The following NXPH1 variants were observed in gnomAD, a reference collection of about 807,000 sequenced individuals.
NXPH1 encodes neurexophilin-1.
A neutral mutation model predicts 23.7 loss-of-function variants in NXPH1; 5 were observed. The observed-to-expected ratio is 0.21, with a 90% CI of 0.11 to 0.44. The LOEUF is 0.44. Among genes scored for constraint, NXPH1 ranks in the 20% least tolerant of loss-of-function variants. NXPH1 has a pLI of 0.99. For missense variants in NXPH1, 324 were observed against 321.6 expected (o/e 1.01, Z -0.06); for synonymous variants, 144 against 122.2 (o/e 1.18, Z -1.18).
chr7:8,647,366 T>G (rs2349502), intron 2 of NXPH1, among the ~76,000 whole-genome samples: 109,628 of 151,964 alleles, frequency 0.72, 40,084 homozygotes, highest in East Asian at 1. Context: ...GGCAGGAAAA[T>G]AAAGGGGTGG....
At chr7:8,624,574 T>C (rs1819947707) in intron 2 of NXPH1, among the ~76,000 whole-genome samples, 1 of 151,934 alleles carries the variant, frequency 6.6e-6, no homozygotes, top group Non-Finnish European at 1.5e-5. Flanking sequence ...GAAAAGATAG[T>C]GTCATGTGGA....
chr7:8,706,028 C>T (rs1562460236), intron 2 of NXPH1, among the ~76,000 whole-genome samples: 2 of 152,110 alleles, frequency 1.3e-5, no homozygotes, highest in Non-Finnish European at 2.9e-5. Context: ...TCCCAGTAGA[C>T]ATAATAATAT....
intron 2 of NXPH1, among the ~76,000 whole-genome samples, chr7:8,660,270 T>C (rs1820651185): frequency 6.6e-6 from 1 of 152,200 alleles, no homozygotes; most frequent in Non-Finnish European, 1.5e-5. Flanking sequence ...ACATTTTAAG[T>C]AACAGTCTGA....
intron 2 of NXPH1, among the ~76,000 whole-genome samples, chr7:8,719,917 CA>C (rs1462362534): frequency 7.9e-5 from 12 of 151,942 alleles, no homozygotes; most frequent in African/African-American, 2.7e-4. Context: ...AACACTGGGA[CA>C]GGGGGATTCT....
chr7:8,654,577 G>A (rs1277981450), intron 2 of NXPH1, among the ~76,000 whole-genome samples: 1 of 152,208 alleles, frequency 6.6e-6, no homozygotes, highest in Non-Finnish European at 1.5e-5. Context: ...AGAAGGATTT[G>A]CTGGAGTTCC....
chr7:8,742,415 A>G (rs577913919), intron 2 of NXPH1, among the ~76,000 whole-genome samples: 1 of 152,312 alleles, frequency 6.6e-6, no homozygotes, highest in South Asian at 2.1e-4. Flanking sequence ...CAAAACGTAT[A>G]TAAAATGTAA....
intron 2 of NXPH1, among the ~76,000 whole-genome samples, chr7:8,588,277 T>C (rs1247787958): frequency 1.3e-5 from 2 of 152,200 alleles, no homozygotes; most frequent in African/African-American, 2.4e-5. Context: ...CAAATCATTC[T>C]ACTGTAAAGA....
Position 8,750,998 on chromosome 7 carries a change from C to T in NXPH1, c.55-10C>T. On this transcript the variant is annotated splice_polypyrimidine_tract_variant and intron_variant, in intron 2 of 2. Transcript: ENST00000405863. ...GAGATGTAAATGCCATTTTTCTCTT[C>T]TGTTTTCAGGTCACATGTGCCAATT... 9 of 1,611,660 alleles carry T rather than the reference C, an allele frequency of 5.6e-6. No individual in the cohort carries two copies. Among genetic ancestry groups the T allele is most frequent in the Non-Finnish European group, 7.6e-6 (9 of 1,178,256 alleles).
At chr7:8,728,616 G>T (rs1374308717) in intron 2 of NXPH1, among the ~76,000 whole-genome samples, 12 of 151,616 alleles carry the variant, frequency 7.9e-5, no homozygotes, top group Non-Finnish European at 1.6e-4. Flanking sequence ...TTTGTCTTTG[G>T]CTCTGTTTAT....
intron 2 of NXPH1, among the ~76,000 whole-genome samples, chr7:8,624,176 C>T (rs1158994220): frequency 6.6e-6 from 1 of 152,072 alleles, no homozygotes; most frequent in Admixed American, 6.6e-5. Context: ...ATCAGAGGAG[C>T]CTCTTAGGTA....
At chr7:8,551,060 G>T (rs774456536) in intron 2 of NXPH1, among the ~76,000 whole-genome samples, 3 of 151,434 alleles carry the variant, frequency 2.0e-5, no homozygotes, top group Non-Finnish European at 3.0e-5. Context: ...TTAGAAAATT[G>T]TCTTACTGAA....
intron 2 of NXPH1, among the ~76,000 whole-genome samples, chr7:8,737,753 T>A (rs1459130792): frequency 6.6e-6 from 1 of 152,254 alleles, no homozygotes; most frequent in Non-Finnish European, 1.5e-5. Context: ...ATTCTCTCTG[T>A]CACTTTCAGG....
chr7:8,705,892 C>T (rs560935475), intron 2 of NXPH1, among the ~76,000 whole-genome samples: 1 of 152,266 alleles, frequency 6.6e-6, no homozygotes, highest in South Asian at 2.1e-4. Flanking sequence ...TGGGGGACAA[C>T]ATAAACCACA....
chr7:8,534,109 G>A (rs1243576939), intron 2 of NXPH1, among the ~76,000 whole-genome samples: 1 of 151,986 alleles, frequency 6.6e-6, no homozygotes, highest in Non-Finnish European at 1.5e-5. Flanking sequence ...AATCAATATG[G>A]GTGTTATTCT....
intron 2 of NXPH1, among the ~76,000 whole-genome samples, chr7:8,696,798 G>GCA (rs1779527441): frequency 6.9e-6 from 1 of 145,382 alleles, no homozygotes; most frequent in Admixed American, 7.1e-5. Context: ...CCGAGATCTT[G>GCA]CCACTGCACT....
chr7:8,533,478 T>A (rs906657068), intron 2 of NXPH1, among the ~76,000 whole-genome samples: 3 of 152,230 alleles, frequency 2.0e-5, no homozygotes, highest in African/African-American at 7.2e-5. Context: ...ATAGGAAAAC[T>A]TAGCATTTTT....
chr7:8,619,468 C>T (rs1413471430), intron 2 of NXPH1, among the ~76,000 whole-genome samples: 2 of 152,180 alleles, frequency 1.3e-5, no homozygotes, highest in Non-Finnish European at 2.9e-5. Context: ...ATGTTCAATG[C>T]TCTTTCAGAT....
chr7:8,463,977 AT>A (rs1816735771), intron 2 of NXPH1, among the ~76,000 whole-genome samples: 1 of 152,024 alleles, frequency 6.6e-6, no homozygotes, highest in African/African-American at 2.4e-5. Flanking sequence ...CTATTCACAT[AT>A]TTTGTTCAAA....
At position 8,658,831 on chromosome 7, in the gene NXPH1, C is replaced by T. The variant is rs560750359; in HGVS notation, c.55-92177C>T. The stretch of plus-strand genomic sequence containing the variant: ...TTGATTAATGTGCATACAAAGTCAG[C>T]GTGAGGTAGAATAGATGATTTTGGG... On this transcript the variant is annotated intron_variant, in intron 2 of 2. Coordinates refer to ENST00000405863, the MANE Select transcript of NXPH1 (RefSeq NM_152745.3). Among the ~76,000 whole-genome samples the T allele has an allele frequency of 8.5e-5, 13 of 152,070 alleles. No individual in the cohort carries two copies. In the South Asian group the frequency reaches 1.2e-3, roughly 15 times the overall value.
Sources: allele counts gnomAD v4.1 joint callset (sites outside exome capture counted in the v4.1 genomes callset), GRCh38; gene constraint gnomAD v4.1.1; transcripts MANE v1.5; gene names NCBI Gene and HGNC (gene_info 2026-07-23, HGNC 2026-07-21).